The following FUT9 variants were observed in gnomAD, a reference collection of about 807,000 sequenced individuals.
FUT9 encodes the protein 4-galactosyl-N-acetylglucosaminide 3-alpha-L-fucosyltransferase 9.
A neutral mutation model predicts 29.7 loss-of-function variants in FUT9; 15 were observed. The ratio of observed to expected loss-of-function variants is 0.51; its 90% CI spans 0.34 to 0.78. The LOEUF is 0.78. Ranked by LOEUF, FUT9 falls within the 30% of genes least tolerant of loss-of-function variation. The pLI is 0.01. For missense variants in FUT9, 319 were observed against 425.4 expected (o/e 0.75, Z 2.20); for synonymous variants, 169 against 153.7 (o/e 1.10, Z -0.74).
At chr6:96,057,995 A>G (rs1325071) in intron 1 of FUT9, among the ~76,000 whole-genome samples, 82,752 of 151,672 alleles carry the variant, frequency 0.55, 22,686 homozygotes, top group South Asian at 0.63. Context: ...GTAAATTCAA[A>G]ACATTTAAAA....
intron 2 of FUT9, among the ~76,000 whole-genome samples, chr6:96,134,028 A>C (rs1194335233): frequency 4.0e-5 from 6 of 151,844 alleles, no homozygotes; most frequent in African/African-American, 1.4e-4. Flanking sequence ...AGAAGCCCAC[A>C]AAATATGATG....
At chr6:96,191,874 C>A (rs1773517503) in intron 2 of FUT9, among the ~76,000 whole-genome samples, 1 of 152,124 alleles carries the variant, frequency 6.6e-6, no homozygotes, top group Non-Finnish European at 1.5e-5. Flanking sequence ...CGGCTTCATC[C>A]CTGGGATGCA....
chr6:96,149,626 T>G (rs1772639962), intron 2 of FUT9, among the ~76,000 whole-genome samples: 2 of 152,188 alleles, frequency 1.3e-5, no homozygotes, highest in Non-Finnish European at 2.9e-5. Flanking sequence ...TATTGAAGCA[T>G]GAACACTGTG....
intron 2 of FUT9, among the ~76,000 whole-genome samples, chr6:96,162,024 T>C (rs1772913869): frequency 6.6e-6 from 1 of 152,224 alleles, no homozygotes; most frequent in African/African-American, 2.4e-5. Flanking sequence ...TTTTGATCTT[T>C]ACCATTTCCT....
intron 2 of FUT9, among the ~76,000 whole-genome samples, chr6:96,151,612 A>G (rs1772677459): frequency 6.6e-6 from 1 of 152,178 alleles, no homozygotes; most frequent in Admixed American, 6.5e-5. Context: ...TCGTTGTTCC[A>G]AAGTTTTGCA....
intron 1 of FUT9, among the ~76,000 whole-genome samples, chr6:96,047,997 A>T (rs966118090): frequency 6.6e-6 from 1 of 152,148 alleles, no homozygotes; most frequent in Non-Finnish European, 1.5e-5. Context: ...GAAGCTTTTG[A>T]GGAAAATTTG....
intron 2 of FUT9, among the ~76,000 whole-genome samples, chr6:96,198,344 A>G (rs1414435784): frequency 7.0e-6 from 1 of 142,224 alleles, no homozygotes; most frequent in Non-Finnish European, 1.5e-5. Context: ...TTCAATTCCC[A>G]TCTATGAGTG....
At chr6:96,123,505 C>A (rs1772072178) in intron 2 of FUT9, among the ~76,000 whole-genome samples, 2 of 152,076 alleles carry the variant, frequency 1.3e-5, no homozygotes, top group African/African-American at 4.8e-5. Context: ...GGTGAGAATT[C>A]CTTTGATTAA....
intron 1 of FUT9, among the ~76,000 whole-genome samples, chr6:96,097,770 C>T (rs12201358): frequency 0.14 from 21,164 of 152,106 alleles, 1,709 homozygotes; most frequent in Non-Finnish European, 0.16. Context: ...TAGTAACCCA[C>T]ATAATGTATA....
intron 2 of FUT9, among the ~76,000 whole-genome samples, chr6:96,171,206 T>C (rs1388231894): frequency 6.6e-6 from 1 of 152,214 alleles, no homozygotes; most frequent in Admixed American, 6.5e-5. Context: ...AGAGCTGTTT[T>C]CCTGGAGGAT....
chr6:96,103,214 C>A (rs548033056), intron 1 of FUT9, among the ~76,000 whole-genome samples: 1 of 152,264 alleles, frequency 6.6e-6, no homozygotes, highest in Non-Finnish European at 1.5e-5. Context: ...TACACACACA[C>A]AAACATATAC....
In FUT9 at chr6:96,212,408, T is replaced by C. The variant is rs1156485149; in HGVS notation, c.*8173T>C. The C allele has an allele frequency of 2.4e-6, 1 of 412,164 alleles. No individual in the cohort carries two copies. The highest frequency in any genetic ancestry group is 4.4e-5 in the Admixed American group (1 of 22,656). 25.5% of individuals were successfully genotyped at this position (412,164 alleles called of 1,614,324 possible). On this transcript the variant is annotated 3_prime_UTR_variant, in exon 3 of 3. Transcript: ENST00000302103. ...AATGAAGATTATCTGATTGTCTATG[T>C]AAACCTGGAAGTAGTCTACTTTTTA...
intron 2 of FUT9, among the ~76,000 whole-genome samples, chr6:96,161,790 CA>C (rs1173927118): frequency 6.6e-6 from 1 of 152,020 alleles, no homozygotes; most frequent in East Asian, 1.9e-4. Context: ...GCCAGATATC[CA>C]AAAAAATACA....
At chr6:96,024,792 T>C (rs1770134904) in intron 1 of FUT9, among the ~76,000 whole-genome samples, 2 of 151,808 alleles carry the variant, frequency 1.3e-5, no homozygotes, top group Non-Finnish European at 2.9e-5. Context: ...AGTGGGTCAA[T>C]TTTATCAGAA....
chr6:96,162,317 T>C (rs1772926940), intron 2 of FUT9, among the ~76,000 whole-genome samples: 1 of 152,316 alleles, frequency 6.6e-6, no homozygotes, highest in African/African-American at 2.4e-5. Flanking sequence ...TTTCAGTAGG[T>C]ATGTCATGTG....
chr6:96,130,238 A>G (rs1772217172), intron 2 of FUT9, among the ~76,000 whole-genome samples: 1 of 152,128 alleles, frequency 6.6e-6, no homozygotes, highest in African/African-American at 2.4e-5. Flanking sequence ...AGAAAGGAAA[A>G]TAAGTTAAAA....
chr6:96,099,038 C>G (rs1355083465), intron 1 of FUT9, among the ~76,000 whole-genome samples: 1 of 152,108 alleles, frequency 6.6e-6, no homozygotes, highest in Non-Finnish European at 1.5e-5. Flanking sequence ...ATCTGTGCAT[C>G]CTTTATCTCT....
rs1303631487 is a variant in FUT9, at chr6:96,207,624, A to G, written c.*3389A>G. 2 of 167,000 alleles carry G rather than the reference A, an allele frequency of 1.2e-5. No individual in the cohort carries two copies. The highest frequency in any genetic ancestry group is 4.8e-5 in the African/African-American group (2 of 41,444). 10.3% of individuals were successfully genotyped at this position (167,000 alleles called of 1,614,324 possible). ...TGTGGGTTGCAATTCTTTGTAAGAA[A>G]CTCATGAAAAAGATATATTGATTCA... On this transcript the variant is annotated 3_prime_UTR_variant, in exon 3 of 3. Coordinates refer to ENST00000302103, the MANE Select transcript of FUT9 (RefSeq NM_006581.4).
chr6:96,069,797 AT>A (rs763338570), intron 1 of FUT9, among the ~76,000 whole-genome samples: 15 of 151,610 alleles, frequency 9.9e-5, no homozygotes, highest in Non-Finnish European at 1.6e-4. Context: ...TGCCCAGCTA[AT>A]TTTTTTGTAT....
Sources: gnomAD v4.1 joint callset for allele counts (sites outside exome capture counted in the v4.1 genomes callset) on GRCh38, gnomAD v4.1.1 for gene constraint, MANE v1.5 for transcripts, NCBI Gene and HGNC (gene_info 2026-07-23, HGNC 2026-07-21) for gene names.